LYPD6: variants seen among roughly 807,000 people sequenced by gnomAD.
The protein encoded by LYPD6 is ly6/PLAUR domain-containing protein 6.
In LYPD6, 15 loss-of-function variants were observed where a neutral mutation model predicts 22.7. That is an observed-to-expected ratio of 0.66 (90% CI 0.44 to 1.02). LYPD6 has a LOEUF of 1.02. Ranked by LOEUF, LYPD6 falls within the 50% of genes least tolerant of loss-of-function variation. The pLI is 0.00. For synonymous variants in LYPD6, 72 were observed against 77.5 expected (o/e 0.93, Z 0.37); for missense variants, 189 against 208.4 (o/e 0.91, Z 0.57).
intron 1 of LYPD6, among the ~76,000 whole-genome samples, chr2:149,357,319 T>C (rs1681467621): frequency 6.6e-6 from 1 of 152,120 alleles, no homozygotes; most frequent in Non-Finnish European, 1.5e-5. Context: ...AAAGGCATTG[T>C]CTTTTAGGAT....
intron 1 of LYPD6, among the ~76,000 whole-genome samples, chr2:149,360,913 C>T (rs944451750): frequency 6.6e-6 from 1 of 152,122 alleles, no homozygotes; most frequent in Admixed American, 6.5e-5. Context: ...ATGTACTTTC[C>T]TGGGACACCC....
At chr2:149,419,814 A>G (rs1207418307) in intron 1 of LYPD6, among the ~76,000 whole-genome samples, 1 of 149,018 alleles carries the variant, frequency 6.7e-6, no homozygotes, top group Non-Finnish European at 1.5e-5. Context: ...ATAATTCTCT[A>G]CAATATGTGC....
Position 149,471,962 on chromosome 2 carries a change from A to G in LYPD6, c.*1112A>G, listed in dbSNP as rs1204878949. The G allele has an allele frequency of 6.6e-6, 1 of 152,644 alleles. No homozygotes were observed. The highest frequency in any genetic ancestry group is 1.5e-5 in the Non-Finnish European group (1 of 68,040). The allele number at this position is 152,644 out of a possible 1,614,324, so 9.5% of individuals were successfully genotyped here. ...GAAAGTAGACCAGTGAGGTGATTGC[A>G]AGACTAACAAGGAGACTCAATGGGA... On this transcript the variant is annotated 3_prime_UTR_variant, in exon 5 of 5. Transcript: ENST00000334166.
intron 1 of LYPD6, among the ~76,000 whole-genome samples, chr2:149,341,810 C>G (rs1287522051): frequency 2.0e-5 from 3 of 152,156 alleles, no homozygotes; most frequent in African/African-American, 7.2e-5. Flanking sequence ...GAAGTCTCTT[C>G]TATAAGGCCC....
intron 2 of LYPD6, among the ~76,000 whole-genome samples, chr2:149,438,710 C>G (rs1442686949): frequency 6.6e-6 from 1 of 152,224 alleles, no homozygotes; most frequent in Non-Finnish European, 1.5e-5. Context: ...ATCACATAGT[C>G]TACAAAGTGA....
At position 149,330,599 on chromosome 2, in the gene LYPD6, C is replaced by T. The variant is rs1421451281; in HGVS notation, c.-195C>T. On this transcript the variant is annotated 5_prime_UTR_variant, in exon 1 of 5. Coordinates refer to ENST00000334166, the MANE Select transcript of LYPD6 (RefSeq NM_194317.5). Reference sequence around the variant, plus strand: ...CCCGCTGCGCTCCCTCGCTCCTTCCCTGAGCTCCCGGGCTCCGGCAGCGGG... The same window carrying T: ...CCCGCTGCGCTCCCTCGCTCCTTCCTTGAGCTCCCGGGCTCCGGCAGCGGG... 1 of 151,536 alleles carries T rather than the reference C, an allele frequency of 6.6e-6. No individual in the cohort carries two copies. Among genetic ancestry groups the T allele is most frequent in the Non-Finnish European group, 1.5e-5 (1 of 67,874 alleles). The allele number at this position is 151,536 out of a possible 1,614,324, so 9.4% of individuals were successfully genotyped here.
intron 3 of LYPD6, among the ~76,000 whole-genome samples, chr2:149,462,132 A>G (rs1019688787): frequency 1.1e-5 from 1 of 94,378 alleles, no homozygotes; most frequent in African/African-American, 2.8e-5. Context: ...CATGATTTCT[A>G]TGTAGAAAAT....
intron 1 of LYPD6, among the ~76,000 whole-genome samples, chr2:149,381,750 T>C (rs1002438178): frequency 2.0e-5 from 3 of 152,244 alleles, no homozygotes; most frequent in Non-Finnish European, 1.5e-5. Flanking sequence ...CTTTCTCATA[T>C]GTTGGTTGCC....
At chr2:149,355,443 G>C (rs1311414644) in intron 1 of LYPD6, among the ~76,000 whole-genome samples, 1 of 152,152 alleles carries the variant, frequency 6.6e-6, no homozygotes, top group African/African-American at 2.4e-5. Context: ...TCGAAAATTA[G>C]AAACTTTCAG....
intron 1 of LYPD6, among the ~76,000 whole-genome samples, chr2:149,424,413 C>T (rs1022019297): frequency 2.6e-5 from 4 of 152,160 alleles, no homozygotes; most frequent in Non-Finnish European, 5.9e-5. Context: ...TAGAAGCTAT[C>T]GGTCTCATTT....
intron 1 of LYPD6, among the ~76,000 whole-genome samples, chr2:149,384,111 T>C (rs1682127574): frequency 6.6e-6 from 1 of 152,216 alleles, no homozygotes; most frequent in Admixed American, 6.5e-5. Flanking sequence ...CCATTAAATA[T>C]TTGTTGACTC....
At chr2:149,368,600 G>T (rs767745493) in intron 1 of LYPD6, among the ~76,000 whole-genome samples, 1 of 152,150 alleles carries the variant, frequency 6.6e-6, no homozygotes, top group Non-Finnish European at 1.5e-5. Context: ...CAGAGTTCTT[G>T]GATGTTGTTC....
chr2:149,401,773 T>C (rs1383324747), intron 1 of LYPD6, among the ~76,000 whole-genome samples: 1 of 152,132 alleles, frequency 6.6e-6, no homozygotes, highest in East Asian at 1.9e-4. Flanking sequence ...ATGAATAAGT[T>C]CTTCAGTGGT....
chr2:149,443,396 A>G (rs1466143959), intron 2 of LYPD6, among the ~76,000 whole-genome samples: 2 of 152,240 alleles, frequency 1.3e-5, no homozygotes, highest in African/African-American at 4.8e-5. Context: ...TGAATTAATC[A>G]TGCAAACTGA....
intron 3 of LYPD6, among the ~76,000 whole-genome samples, chr2:149,455,951 C>T (rs181937741): frequency 2.0e-5 from 3 of 152,310 alleles, no homozygotes; most frequent in African/African-American, 7.2e-5. Context: ...TCAAAAGGTG[C>T]TGACTTCAGG....
chr2:149,354,638 C>A (rs1001958138), intron 1 of LYPD6, among the ~76,000 whole-genome samples: 4 of 152,150 alleles, frequency 2.6e-5, no homozygotes, highest in African/African-American at 4.8e-5. Context: ...AAGGAATGCA[C>A]CTGTGTTGTT....
Position 149,470,920 on chromosome 2 carries a change from A to T in LYPD6, c.*70A>T. The T allele has an allele frequency of 7.1e-7, 1 of 1,411,242 alleles. No homozygotes were observed. The highest frequency in any genetic ancestry group is 9.8e-7 in the Non-Finnish European group (1 of 1,018,488). 87.4% of individuals were successfully genotyped at this position (1,411,242 alleles called of 1,614,324 possible). A position where few individuals can be genotyped will look rare whatever the true frequency, so the allele number is the denominator to read the frequency against. On this transcript the variant is annotated 3_prime_UTR_variant, in exon 5 of 5. Transcript: ENST00000334166. ...GATGGTCCACAGACCTGCATGAGTC[A>T]TTGGCCTGACAGTAATTACACATGT...
chr2:149,363,118 C>T (rs1464831862), intron 1 of LYPD6, among the ~76,000 whole-genome samples: 1 of 152,138 alleles, frequency 6.6e-6, no homozygotes, highest in Non-Finnish European at 1.5e-5. Context: ...TTTCACTATG[C>T]CAAGGTGCCA....
At chr2:149,444,308 C>A (rs62190602) in intron 2 of LYPD6, among the ~76,000 whole-genome samples, 3 of 151,954 alleles carry the variant, frequency 2.0e-5, no homozygotes, top group Non-Finnish European at 4.4e-5. Flanking sequence ...TAGTGAGTTA[C>A]AATCTTTTTG....
Sources: allele counts gnomAD v4.1 joint callset (sites outside exome capture counted in the v4.1 genomes callset), GRCh38; gene constraint gnomAD v4.1.1; transcripts MANE v1.5; gene names NCBI Gene and HGNC (gene_info 2026-07-23, HGNC 2026-07-21).